ADARB2: variants seen among roughly 807,000 people sequenced by gnomAD.
ADARB2 encodes inactive double-stranded RNA-specific editase B2.
Under a neutral mutation model 62.2 loss-of-function variants are expected in ADARB2, and 25 were observed. The ratio of observed to expected loss-of-function variants is 0.40; its 90% confidence interval spans 0.29 to 0.56. The LOEUF is 0.56. Ranked by LOEUF, ADARB2 falls within the 20% of genes least tolerant of loss-of-function variation. ADARB2 has a pLI of 0.43. For synonymous variants in ADARB2, 572 were observed against 500.8 expected, an observed-to-expected ratio of 1.14 and a Z score of -1.90; for missense variants, 1,071 against 1,077.4, an observed-to-expected ratio of 0.99 and a Z score of 0.08.
chr10:1,424,654 A>T (rs74120604), intron 1 of ADARB2, among the ~76,000 whole-genome samples: 15,241 of 152,128 alleles, frequency 0.1, 990 homozygotes, highest in East Asian at 0.25. Context: ...TGCAAAAAAA[A>T]AAGAGAGAGA....
rs146004559 is a variant in ADARB2 at position 1,379,075 on chromosome 10, G to A, written c.186C>T (p.Leu62=). The change falls in exon 2 of 10, where the codon CTC becomes CTT. Residue 62 remains leucine, a splice_region_variant and synonymous_variant. Coordinates refer to ENST00000381312, the MANE Select transcript of ADARB2 (RefSeq NM_018702.4). ...CTTCGGGGAAGGGAAGTTGCTTACT[G>A]AGGGTGTCGTCATCCTCCGTGTTTG... The part of the protein sequence containing the change: ...GITNTEDDDT[L]STSSAEVKEN... The A allele has an allele frequency of 1.1e-4, 178 of 1,612,682 alleles. No individual in the cohort carries two copies. In the African/African-American group the frequency reaches 2.0e-3, roughly 18 times the overall value.
intron 4 of ADARB2, among the ~76,000 whole-genome samples, chr10:1,247,532 T>C (rs552821693): frequency 3.3e-5 from 5 of 152,328 alleles, no homozygotes; most frequent in African/African-American, 1.2e-4. Flanking sequence ...AATTTGGGGC[T>C]GACCGATTTA....
At chr10:1,351,005 A>C (rs11528601) in intron 3 of ADARB2, among the ~76,000 whole-genome samples, 146,605 of 152,208 alleles carry the variant, frequency 0.96, 70,824 homozygotes, top group Middle Eastern at 1. Context: ...AGGCCCGTTT[A>C]CCCGAGAAGC....
rs191522908 is a variant in ADARB2, at chr10:1,384,007, G to A, written c.101-4847C>T. Among the ~76,000 whole-genome samples, 359 of 152,120 alleles carry A rather than the reference G, an allele frequency of 2.4e-3. 1 individual carries two copies. Among genetic ancestry groups the A allele is most frequent in the African/African-American group, 7.8e-3 (325 of 41,492 alleles). On this transcript the variant is annotated intron_variant, in intron 1 of 9. Coordinates refer to ENST00000381312, the MANE Select transcript of ADARB2 (RefSeq NM_018702.4). ...GATCAGAACAGCATCTTTGTTTCTC[G>A]GGCCACAAAAGGAAGAATAGTGCAA... is the stretch of plus-strand genomic sequence containing the variant.
chr10:1,228,839 G>A (rs992765386), intron 6 of ADARB2, among the ~76,000 whole-genome samples: 11 of 152,212 alleles, frequency 7.2e-5, no homozygotes, highest in Non-Finnish European at 1.3e-4. Flanking sequence ...CTACCAGGCC[G>A]TCCATGCCTC....
intron 3 of ADARB2, among the ~76,000 whole-genome samples, chr10:1,293,828 G>A (rs925579375): frequency 3.3e-5 from 5 of 152,108 alleles, no homozygotes; most frequent in Non-Finnish European, 7.4e-5. Context: ...CTAAAACCAT[G>A]TCCAACCTTT....
At chr10:1,591,289 C>T (rs1264775708) in intron 1 of ADARB2, among the ~76,000 whole-genome samples, 4 of 152,290 alleles carry the variant, frequency 2.6e-5, no homozygotes, top group Admixed American at 1.3e-4. Flanking sequence ...CAGGGCTGCT[C>T]GGAGGCTCCG....
At chr10:1,444,207 C>T (rs1483395202) in intron 1 of ADARB2, among the ~76,000 whole-genome samples, 1 of 150,746 alleles carries the variant, frequency 6.6e-6, no homozygotes, top group Non-Finnish European at 1.5e-5. Flanking sequence ...CTCACCCACT[C>T]ATCCATCCAT....
intron 1 of ADARB2, among the ~76,000 whole-genome samples, chr10:1,712,267 G>A (rs979754822): frequency 1.3e-4 from 20 of 152,138 alleles, no homozygotes; most frequent in South Asian, 8.3e-4. Context: ...CTCAAAACAC[G>A]TTTTATACAA....
chr10:1,423,799 T>C (rs1223188122), intron 1 of ADARB2, among the ~76,000 whole-genome samples: 9 of 151,956 alleles, frequency 5.9e-5, no homozygotes, highest in Admixed American at 3.3e-4. Context: ...CCACTATGCA[T>C]GCAGTAAGAT....
rs751820473 is a variant in ADARB2 at position 1,183,305 on chromosome 10, G to A, written c.2108C>T (p.Ala703Val). The change falls in exon 10 of 10, where the codon GCG (alanine) becomes GTG (valine). Residue 703 changes from alanine to valine, a missense_variant. Transcript: ENST00000381312. ...CTGTTTCACAGACTGGTAGGTGTGC[G>A]CCCCCAGCTTGGCCTCACAGTACAT... The part of the protein sequence containing the change: ...PSMYCEAKLG[A>V]HTYQSVKQQL... 23 of 1,614,010 alleles carry A rather than the reference G, an allele frequency of 1.4e-5. No homozygotes were observed. The highest frequency in any genetic ancestry group is 4.5e-5 in the East Asian group (2 of 44,884).
chr10:1,512,216 C>T (rs1341082585), intron 1 of ADARB2, among the ~76,000 whole-genome samples: 3 of 151,802 alleles, frequency 2.0e-5, no homozygotes, highest in African/African-American at 4.8e-5. Flanking sequence ...GGTGTCTACA[C>T]TGCATACCAA....
chr10:1,339,947 G>T (rs139628893), intron 3 of ADARB2, among the ~76,000 whole-genome samples: 491 of 152,222 alleles, frequency 3.2e-3, no homozygotes, highest in African/African-American at 0.011. Flanking sequence ...AGGGGCAGGG[G>T]TGGGCTCACA....
At chr10:1,419,426 T>A (rs1832834664) in intron 1 of ADARB2, among the ~76,000 whole-genome samples, 1 of 152,200 alleles carries the variant, frequency 6.6e-6, no homozygotes, top group Admixed American at 6.5e-5. Flanking sequence ...CAGTGGAAAC[T>A]TACTATCAAA....
chr10:1,310,606 G>A (rs1431224739), intron 3 of ADARB2, among the ~76,000 whole-genome samples: 1 of 152,206 alleles, frequency 6.6e-6, no homozygotes, highest in Admixed American at 6.5e-5. Flanking sequence ...CACTGTTGCA[G>A]GCATGGGGGT....
intron 1 of ADARB2, among the ~76,000 whole-genome samples, chr10:1,551,825 CAAATAG>C (rs1468951396): frequency 6.6e-6 from 1 of 152,180 alleles, no homozygotes; most frequent in Non-Finnish European, 1.5e-5. Flanking sequence ...CACAATGTAC[CAAATAG>C]ACAGGTGCTC....
rs140901411 is a variant in ADARB2, at chr10:1,724,149, T to A, written c.100+12902A>T. The stretch of plus-strand genomic sequence containing the variant: ...AGAGGTGCGCAAGGTAAAATGAAGC[T>A]GAAAACATACAGCTGAAAAGCGTGC... On this transcript the variant is annotated intron_variant, in intron 1 of 9. Transcript: ENST00000381312. Among the ~76,000 whole-genome samples the A allele has an allele frequency of 2.0e-3, 297 of 152,296 alleles. 1 individual carries two copies. Among genetic ancestry groups the A allele is most frequent in the African/African-American group, 6.1e-3 (254 of 41,574 alleles).
chr10:1,546,978 C>T (rs566353190), intron 1 of ADARB2, among the ~76,000 whole-genome samples: 11 of 152,342 alleles, frequency 7.2e-5, no homozygotes, highest in Middle Eastern at 6.8e-3. Context: ...ACCCAGTGAG[C>T]ACTGCATGTT....
At chr10:1,415,168 G>A (rs2820663) in intron 1 of ADARB2, among the ~76,000 whole-genome samples, 7,584 of 151,558 alleles carry the variant, frequency 0.05, 639 homozygotes, top group African/African-American at 0.17. Context: ...TATAAGGATG[G>A]GTATATGTAT....
Sources: gnomAD v4.1 joint callset for allele counts (sites outside exome capture counted in the v4.1 genomes callset) on GRCh38, gnomAD v4.1.1 for gene constraint, MANE v1.5 for transcripts, NCBI Gene and HGNC (gene_info 2026-07-23, HGNC 2026-07-21) for gene names.